The following FILIP1L variants were observed in gnomAD, a reference collection of about 807,000 sequenced individuals.
FILIP1L encodes filamin A-interacting protein 1-like.
FILIP1L carries 55 observed loss-of-function variants against 96.6 expected under a neutral mutation model. The observed-to-expected ratio is 0.57, with a 90% CI of 0.46 to 0.71. FILIP1L has a LOEUF of 0.71. Among genes scored for constraint, FILIP1L ranks in the 30% least tolerant of loss-of-function variants. FILIP1L has a pLI of 0.00. For synonymous variants in FILIP1L, 467 were observed against 473.9 expected (o/e 0.99, Z 0.19); for missense variants, 1,304 against 1,321.2 (o/e 0.99, Z 0.20).
Position 99,849,230 on chromosome 3 carries a change from T to C in FILIP1L, c.2446A>G (p.Ile816Val), listed in dbSNP as rs201518347. The change falls in exon 5 of 6, where the codon ATT becomes GTT. Residue 816 changes from isoleucine (I) to valine (V), a missense_variant. By Grantham distance (29) the Ile-to-Val change is conservative. Transcript: ENST00000477258. The part of the protein sequence containing the change: ...DNEPPDYKSL[I>V]PLERAVINGQ... ...TTGATGACTGCACGTTCCAGAGGAA[T>C]GAGGCTCTTGTAATCAGGTGGTTCA... 407 of 1,613,232 alleles carry C rather than the reference T, an allele frequency of 2.5e-4. No individual in the cohort carries two copies. The highest frequency in any genetic ancestry group is 3.1e-4 in the Non-Finnish European group (371 of 1,179,268).
At chr3:99,881,464 T>G (rs192039162) in intron 4 of FILIP1L, among the ~76,000 whole-genome samples, 2 of 152,210 alleles carry the variant, frequency 1.3e-5, no homozygotes, top group East Asian at 3.9e-4. Flanking sequence ...CAGTACAGAT[T>G]GTTCTCAGTG....
chr3:99,888,706 T>C (rs1215064714), intron 4 of FILIP1L, among the ~76,000 whole-genome samples: 1 of 152,230 alleles, frequency 6.6e-6, no homozygotes, highest in Non-Finnish European at 1.5e-5. Flanking sequence ...CTGCTTTTTG[T>C]AGAGATATGA....
chr3:99,946,993 G>A (rs1310341176), intron 1 of FILIP1L, among the ~76,000 whole-genome samples: 1 of 151,784 alleles, frequency 6.6e-6, no homozygotes, highest in Admixed American at 6.6e-5. Flanking sequence ...AAAAATTAGC[G>A]GGGCGTGGTG....
intron 1 of FILIP1L, among the ~76,000 whole-genome samples, chr3:99,982,994 A>G (rs546736832): frequency 2.6e-5 from 4 of 152,274 alleles, no homozygotes; most frequent in Middle Eastern, 3.4e-3. Context: ...GTGCCCACAT[A>G]TAAGCTGTGC....
At chr3:99,902,279 A>T (rs1706461883) in intron 4 of FILIP1L, among the ~76,000 whole-genome samples, 2 of 152,222 alleles carry the variant, frequency 1.3e-5, no homozygotes, top group African/African-American at 2.4e-5. Flanking sequence ...GAGGTTACTC[A>T]TAACAGTTTC....
chr3:99,845,348 T>C (rs745991849), intron 5 of FILIP1L, among the ~76,000 whole-genome samples: 1 of 152,118 alleles, frequency 6.6e-6, no homozygotes, highest in Non-Finnish European at 1.5e-5. Flanking sequence ...AAAGAGATAG[T>C]GGGAATGTGA....
At chr3:99,993,024 T>C (rs899463068) in intron 1 of FILIP1L, among the ~76,000 whole-genome samples, 12 of 152,128 alleles carry the variant, frequency 7.9e-5, no homozygotes, top group African/African-American at 2.4e-4. Context: ...TTGATCTGTG[T>C]AACTGTTGTT....
intron 5 of FILIP1L, among the ~76,000 whole-genome samples, chr3:99,830,942 C>T (rs556494451): frequency 1.3e-5 from 2 of 152,248 alleles, no homozygotes; most frequent in East Asian, 1.9e-4. Context: ...AGGTTAATTT[C>T]GAATGAGATT....
intron 1 of FILIP1L, among the ~76,000 whole-genome samples, chr3:100,003,582 A>G (rs977306496): frequency 2.0e-5 from 3 of 152,196 alleles, no homozygotes; most frequent in Admixed American, 6.6e-5. Flanking sequence ...TTAGAATCTC[A>G]GTCCCTTGAC....
intron 1 of FILIP1L, among the ~76,000 whole-genome samples, chr3:100,043,002 G>T (rs1443089284): frequency 6.6e-6 from 1 of 152,246 alleles, no homozygotes. Context: ...GGGATAAAGG[G>T]CTAACATAGC....
intron 5 of FILIP1L, among the ~76,000 whole-genome samples, chr3:99,843,691 C>T (rs964328990): frequency 3.3e-5 from 5 of 152,116 alleles, no homozygotes; most frequent in African/African-American, 9.7e-5. Context: ...TACAATTGGG[C>T]AAAATTGTCT....
chr3:99,966,905 A>T (rs1298610742), intron 1 of FILIP1L, among the ~76,000 whole-genome samples: 2 of 152,202 alleles, frequency 1.3e-5, no homozygotes, highest in Non-Finnish European at 2.9e-5. Context: ...TGGATTGTAA[A>T]GTCTGGGTGA....
At chr3:99,922,577 T>A (rs535361362) in intron 4 of FILIP1L, among the ~76,000 whole-genome samples, 3 of 152,350 alleles carry the variant, frequency 2.0e-5, no homozygotes, top group South Asian at 4.1e-4. Flanking sequence ...TTAGCCTAGA[T>A]ATTGAGGTAA....
At position 99,850,411 on chromosome 3, in the gene FILIP1L, T is replaced by A. The variant is rs1473331140; in HGVS notation, c.1265A>T (p.Lys422Ile). 2 of 1,613,872 alleles carry A rather than the reference T, an allele frequency of 1.2e-6. No individual in the cohort carries two copies. The highest frequency in any genetic ancestry group is 1.7e-6 in the Non-Finnish European group (2 of 1,179,996). ...TAACTTTTCCAGAGCCATAATTCTTTTACTGAGTTTTTCAACCTCTAGTTT... is the reference window on the plus strand; with the variant it reads ...TAACTTTTCCAGAGCCATAATTCTTATACTGAGTTTTTCAACCTCTAGTTT... ...DFKLEVEKLS[K>I]RIMALEKLED... The change falls in exon 5 of 6, where the codon AAA becomes ATA. Residue 422 changes from lysine (K) to isoleucine (I), a missense_variant. Transcript: ENST00000477258.
At chr3:100,010,226 G>A (rs1481216124) in intron 1 of FILIP1L, 2 of 630,250 alleles carry the variant, frequency 3.2e-6, no homozygotes, top group African/African-American at 2.0e-5. Context: ...TGTCATTTTT[G>A]TGATTTCTCA....
At chr3:99,856,011 G>A (rs543261383) in intron 4 of FILIP1L, among the ~76,000 whole-genome samples, 2 of 152,298 alleles carry the variant, frequency 1.3e-5, no homozygotes, top group South Asian at 2.1e-4. Flanking sequence ...AAGGCATGAG[G>A]ACTTGCCCTG....
At chr3:99,832,316 C>T (rs1197902312) in intron 5 of FILIP1L, among the ~76,000 whole-genome samples, 16 of 150,194 alleles carry the variant, frequency 1.1e-4, no homozygotes, top group African/African-American at 3.7e-4. Context: ...CTGCAAGCTC[C>T]GCCTCCCGGG....
chr3:100,002,447 C>A (rs996419896), intron 1 of FILIP1L, among the ~76,000 whole-genome samples: 3 of 152,086 alleles, frequency 2.0e-5, no homozygotes, highest in Non-Finnish European at 2.9e-5. Context: ...TTTCTAGAAC[C>A]ACCAGTTTCT....
chr3:100,010,708 G>A (rs796259101), intron 1 of FILIP1L, among the ~76,000 whole-genome samples: 19 of 145,502 alleles, frequency 1.3e-4, no homozygotes, highest in Admixed American at 3.5e-4. Flanking sequence ...TCTACCTCCC[G>A]GGTTCAAGCA....
Sources: allele counts gnomAD v4.1 joint callset (sites outside exome capture counted in the v4.1 genomes callset), GRCh38; gene constraint gnomAD v4.1.1; transcripts MANE v1.5; gene names NCBI Gene and HGNC (gene_info 2026-07-23, HGNC 2026-07-21).